The following NTM variants were observed in gnomAD, a reference collection of about 807,000 sequenced individuals.
NTM encodes IgLON family member 2.
NTM carries 13 observed loss-of-function variants against 42.1 expected under a neutral mutation model. The ratio of observed to expected loss-of-function variants is 0.31; its 90% confidence interval spans 0.20 to 0.49. NTM has a LOEUF of 0.49. Among genes scored for constraint, NTM ranks in the 20% least tolerant of loss-of-function variants. The pLI is 0.99. For missense variants in NTM, 373 were observed against 452.8 expected, an observed-to-expected ratio of 0.82 and a Z score of 1.60; for synonymous variants, 187 against 179.2, an observed-to-expected ratio of 1.04 and a Z score of -0.35.
At chr11:131,781,934 T>C (rs750646411) in intron 1 of NTM, among the ~76,000 whole-genome samples, 4 of 152,184 alleles carry the variant, frequency 2.6e-5, no homozygotes, top group African/African-American at 9.6e-5. Flanking sequence ...CTAGACTTTA[T>C]TGGTGAACAC....
intron 1 of NTM, among the ~76,000 whole-genome samples, chr11:131,372,464 G>A (rs973175497): frequency 9.9e-5 from 15 of 152,066 alleles, no homozygotes; most frequent in Middle Eastern, 3.4e-3. Flanking sequence ...GTGTGCGTGC[G>A]TGTGTGTGCA....
chr11:132,057,264 G>A (rs1212190888), intron 2 of NTM, among the ~76,000 whole-genome samples: 5 of 147,696 alleles, frequency 3.4e-5, no homozygotes, highest in Admixed American at 6.8e-5. Context: ...TAAAATATAC[G>A]GTGTATTTTG....
At chr11:131,558,167 A>C (rs1410425609) in intron 1 of NTM, among the ~76,000 whole-genome samples, 1 of 152,200 alleles carries the variant, frequency 6.6e-6, no homozygotes, top group Non-Finnish European at 1.5e-5. Flanking sequence ...GTGGGCCTGT[A>C]CTGAAGTTGC....
At chr11:132,212,593 C>G (rs557636715) in intron 4 of NTM, among the ~76,000 whole-genome samples, 2 of 152,172 alleles carry the variant, frequency 1.3e-5, no homozygotes, top group African/African-American at 4.8e-5. Context: ...AATCTGGTCA[C>G]GAGCTGTTTT....
intron 1 of NTM, among the ~76,000 whole-genome samples, chr11:131,894,208 G>T (rs1220038632): frequency 6.6e-6 from 1 of 152,196 alleles, no homozygotes; most frequent in Non-Finnish European, 1.5e-5. Flanking sequence ...CCAGCCACAT[G>T]CTTGCCTAAT....
At chr11:131,998,411 C>G (rs2068510588) in intron 2 of NTM, among the ~76,000 whole-genome samples, 2 of 152,186 alleles carry the variant, frequency 1.3e-5, no homozygotes, top group Admixed American at 6.5e-5. Flanking sequence ...CTGGGCCCCC[C>G]TTGTCCTACC....
chr11:132,207,019 T>A (rs1360546073), intron 3 of NTM, among the ~76,000 whole-genome samples: 1 of 152,230 alleles, frequency 6.6e-6, no homozygotes, highest in African/African-American at 2.4e-5. Context: ...TATGTCTGCA[T>A]GTCTTTCATA....
At chr11:132,076,484 G>T (rs2058379170) in intron 2 of NTM, among the ~76,000 whole-genome samples, 1 of 152,212 alleles carries the variant, frequency 6.6e-6, no homozygotes, top group Admixed American at 6.5e-5. Context: ...GACAAGCTGG[G>T]CAAGTTTCCT....
chr11:131,507,998 C>T lies in NTM; in HGVS notation c.82+137110C>T, dbSNP rs1223941905. Among the ~76,000 whole-genome samples, 3 of 152,068 alleles carry T rather than the reference C, an allele frequency of 2.0e-5. No homozygotes were observed. In the South Asian group the frequency reaches 6.2e-4, roughly 32 times the overall value. On this transcript the variant is annotated intron_variant, in intron 1 of 8. Transcript: ENST00000683400. ...GGGCAAGGACTTCATGTCTAAAACA[C>T]AAAAAGCAATGGCAACAAAAGCCAA...
chr11:132,212,037 T>G lies in NTM; in HGVS notation c.416T>G (p.Val139Gly). 6.2e-7 allele frequency: 1 copy of G among 1,609,328 alleles called. No homozygotes were observed. Among genetic ancestry groups the G allele is most frequent in the Non-Finnish European group, 8.5e-7 (1 of 1,178,336 alleles). The change falls in exon 4 of 9, where the codon GTA becomes GGA. Residue 139 changes from valine to glycine, a missense_variant. Val to Gly is a moderately radical substitution (Grantham distance 109). This residue lies in a region of NTM where 312 missense variants were observed against 353.5 expected (regional missense o/e 0.88). Transcript: ENST00000683400. Reference sequence around the variant, plus strand: ...GTTTCCACAGTATCTCCCAAAATTGTAGAGATTTCTTCAGATATCTCCATT... The same window carrying G: ...GTTTCCACAGTATCTCCCAAAATTGGAGAGATTTCTTCAGATATCTCCATT... ...HLIVQVSPKI[V>G]EISSDISINE... is the part of the protein sequence containing the mutation.
At chr11:132,309,130 G>GGA (rs2095197974) in intron 5 of NTM, among the ~76,000 whole-genome samples, 1 of 152,170 alleles carries the variant, frequency 6.6e-6, no homozygotes, top group African/African-American at 2.4e-5. Context: ...GAGCACTTTG[G>GGA]GAGAGAGTCA....
intron 4 of NTM, among the ~76,000 whole-genome samples, chr11:132,282,350 C>A (rs887582829): frequency 4.6e-5 from 7 of 152,218 alleles, no homozygotes; most frequent in African/African-American, 1.7e-4. Context: ...TAGGGAATAG[C>A]TTGTGTCTGG....
intron 1 of NTM, among the ~76,000 whole-genome samples, chr11:131,428,704 CA>C (rs1948393615): frequency 1.3e-5 from 2 of 151,846 alleles, no homozygotes; most frequent in African/African-American, 2.4e-5. Context: ...AGTAGAGCCT[CA>C]AAAAAACCTG....
chr11:132,206,643 T>G (rs111926844), intron 3 of NTM, among the ~76,000 whole-genome samples: 188 of 152,352 alleles, frequency 1.2e-3, no homozygotes, highest in African/African-American at 4.3e-3. Context: ...GCCCCTGCTC[T>G]GCGTTGCCTC....
At chr11:132,046,816 A>G (rs796538658) in intron 2 of NTM, among the ~76,000 whole-genome samples, 1 of 152,196 alleles carries the variant, frequency 6.6e-6, no homozygotes, top group African/African-American at 2.4e-5. Context: ...CTGTCTGTCT[A>G]TCTATCTAAC....
At chr11:131,599,575 A>G (rs977139161) in intron 1 of NTM, among the ~76,000 whole-genome samples, 1 of 152,252 alleles carries the variant, frequency 6.6e-6, no homozygotes, top group Non-Finnish European at 1.5e-5. Context: ...GTATCCATTC[A>G]TTCATTCTAA....
chr11:132,046,509 C>T (rs779357323), intron 2 of NTM, among the ~76,000 whole-genome samples: 1 of 152,096 alleles, frequency 6.6e-6, no homozygotes, highest in Non-Finnish European at 1.5e-5. Context: ...TTTCATATGA[C>T]CTAATGATTA....
chr11:131,943,792 C>G (rs2060057932), intron 2 of NTM, among the ~76,000 whole-genome samples: 1 of 152,142 alleles, frequency 6.6e-6, no homozygotes, highest in African/African-American at 2.4e-5. Flanking sequence ...CAAGAATATT[C>G]TTCAAAATGC....
intron 2 of NTM, among the ~76,000 whole-genome samples, chr11:132,024,602 G>T (rs2074904981): frequency 6.6e-6 from 1 of 152,108 alleles, no homozygotes. Flanking sequence ...GATAAGGAGG[G>T]CCAGTCATAT....
Sources: gnomAD v4.1 joint callset for allele counts (sites outside exome capture counted in the v4.1 genomes callset) on GRCh38, gnomAD v4.1.1 for gene constraint, gnomAD v4.1.1 regional missense constraint, MANE v1.5 for transcripts, NCBI Gene and HGNC (gene_info 2026-07-23, HGNC 2026-07-21) for gene names.